Variants in FBXO31 observed in about 807,000 individuals in gnomAD.
FBXO31 encodes the protein F-box protein 31, also known as F-box only protein 31.
FBXO31 carries 24 observed loss-of-function variants against 54.4 expected under a neutral mutation model. The ratio of observed to expected loss-of-function variants is 0.44; its 90% CI spans 0.32 to 0.62. FBXO31 has a LOEUF of 0.62. Ranked by LOEUF, FBXO31 falls within the 20% of genes least tolerant of loss-of-function variation. The probability of loss-of-function intolerance (pLI) is 0.05; values close to 1 mark genes in which losing one functional copy is unlikely to be tolerated. For synonymous variants in FBXO31, 388 were observed against 335.6 expected, an observed-to-expected ratio of 1.16 and a Z score of -1.71; for missense variants, 665 against 787.1, an observed-to-expected ratio of 0.84 and a Z score of 1.86.
chr16:87,377,163 G>C (rs189107937), intron 1 of FBXO31, among the ~76,000 whole-genome samples: 2 of 152,230 alleles, frequency 1.3e-5, no homozygotes, highest in South Asian at 2.1e-4. Flanking sequence ...GGAAATTTTA[G>C]GCTGGGGACG....
rs1187865179 is a variant in FBXO31 at position 87,346,297 on chromosome 16, G to A, written c.489+877C>T. Among the ~76,000 whole-genome samples the A allele has an allele frequency of 6.6e-6, 1 of 152,178 alleles. No homozygotes were observed. The highest frequency in any genetic ancestry group is 2.4e-5 in the African/African-American group (1 of 41,430). ...TGAGGAGACCAGGCCACGGCACCCA[G>A]CAAGTGCCCAGGCGCACAGTGAGGG... On this transcript the variant is annotated intron_variant, in intron 3 of 8. Transcript: ENST00000311635. This position sits in a 1 kb window ranked among gnomAD's most constrained non-coding sequence, Gnocchi z 4.2.
intron 2 of FBXO31, among the ~76,000 whole-genome samples, chr16:87,350,109 T>C (rs1396690665): frequency 6.6e-6 from 1 of 151,988 alleles, no homozygotes; most frequent in Non-Finnish European, 1.5e-5. Flanking sequence ...ACTGGACGAA[T>C]GGGCAGGATC....
At chr16:87,378,499 G>A (rs1001564943) in intron 1 of FBXO31, among the ~76,000 whole-genome samples, 1 of 152,166 alleles carries the variant, frequency 6.6e-6, no homozygotes, top group African/African-American at 2.4e-5. Context: ...GTGCAATACT[G>A]CATCCGGGCA....
chr16:87,383,290 G>T lies in FBXO31; in HGVS notation c.340+115C>A. The T allele has an allele frequency of 1.0e-6, 1 of 986,534 alleles. No individual in the cohort carries two copies. Among genetic ancestry groups the T allele is most frequent in the Non-Finnish European group, 1.4e-6 (1 of 710,924 alleles). 61.1% of individuals were successfully genotyped at this position (986,534 alleles called of 1,614,324 possible). A position where few individuals can be genotyped will look rare whatever the true frequency, so the allele number is the denominator to read the frequency against. ...CCAAAACACCACATCGCCGGGCCCC[G>T]CGCCCAACTGGTGGCCCCCGGCCGG... is the stretch of plus-strand genomic sequence containing the variant. On this transcript the variant is annotated intron_variant, in intron 1 of 8. Coordinates refer to ENST00000311635, the MANE Select transcript of FBXO31 (RefSeq NM_024735.5). This position sits in a 1 kb window ranked among gnomAD's most constrained non-coding sequence, Gnocchi z 4.9.
intron 2 of FBXO31, among the ~76,000 whole-genome samples, chr16:87,356,027 A>C (rs897803745): frequency 1.3e-5 from 2 of 152,098 alleles, no homozygotes; most frequent in African/African-American, 4.8e-5. Context: ...TCAGGAGTTC[A>C]AAACCAGCCT....
intron 2 of FBXO31, among the ~76,000 whole-genome samples, chr16:87,350,565 G>A (rs957031242): frequency 3.3e-5 from 5 of 152,190 alleles, no homozygotes; most frequent in Admixed American, 6.5e-5. Flanking sequence ...GGAGTGAAAC[G>A]TACTGACGCC....
At chr16:87,344,174 C>A (rs1306490138) in intron 3 of FBXO31, among the ~76,000 whole-genome samples, 8 of 152,276 alleles carry the variant, frequency 5.3e-5, no homozygotes, top group Admixed American at 1.3e-4. Context: ...CCGTGTGCCA[C>A]TTTTGTCAGG....
intron 1 of FBXO31, among the ~76,000 whole-genome samples, chr16:87,378,948 C>G (rs987565998): frequency 4.2e-4 from 54 of 129,590 alleles, no homozygotes; most frequent in African/African-American, 1.4e-3. Flanking sequence ...GGCGACAAAG[C>G]AAGACTCCAT....
intron 2 of FBXO31, among the ~76,000 whole-genome samples, chr16:87,353,604 G>A (rs1905761541): frequency 6.6e-6 from 1 of 152,252 alleles, no homozygotes; most frequent in South Asian, 2.1e-4. Context: ...AGGCGGTAAG[G>A]AGGCTCCGCA....
chr16:87,387,294 A>G (rs2150704140), upstream of FBXO31, among the ~76,000 whole-genome samples: 1 of 152,298 alleles, frequency 6.6e-6, no homozygotes, highest in Non-Finnish European at 1.5e-5. Context: ...CTTTATGTAG[A>G]AATGTATCCT....
chr16:87,332,639 CGGG>C (rs1904901520), intron 8 of FBXO31, among the ~76,000 whole-genome samples: 3 of 151,890 alleles, frequency 2.0e-5, no homozygotes, highest in Non-Finnish European at 2.9e-5. Flanking sequence ...AAACCCCCTC[CGGG>C]AGCTGGAACT....
intron 2 of FBXO31, among the ~76,000 whole-genome samples, chr16:87,350,038 T>C (rs2150679001): frequency 6.6e-6 from 1 of 152,308 alleles, no homozygotes; most frequent in East Asian, 1.9e-4. Flanking sequence ...AGTCCACATG[T>C]TGGCGAACAT....
At chr16:87,385,117 G>C (rs1301458293), upstream of FBXO31, among the ~76,000 whole-genome samples, 1 of 147,668 alleles carries the variant, frequency 6.8e-6, no homozygotes, top group African/African-American at 2.5e-5. Context: ...CCCAGGAGTC[G>C]GAGACCAGCC....
intron 2 of FBXO31, among the ~76,000 whole-genome samples, chr16:87,359,185 G>C (rs1162871143): frequency 6.6e-6 from 1 of 152,190 alleles, no homozygotes; most frequent in Non-Finnish European, 1.5e-5. Flanking sequence ...TGAATTCTCC[G>C]CATTTTGCAA....
At chr16:87,371,528 C>G (rs1275221298) in intron 1 of FBXO31, among the ~76,000 whole-genome samples, 3 of 152,282 alleles carry the variant, frequency 2.0e-5, no homozygotes, top group Non-Finnish European at 4.4e-5. Context: ...CCAGGCAGGC[C>G]TGACGAGTCG....
At chr16:87,361,091 C>A (rs948586138) in intron 1 of FBXO31, among the ~76,000 whole-genome samples, 2 of 152,166 alleles carry the variant, frequency 1.3e-5, no homozygotes, top group African/African-American at 4.8e-5. Flanking sequence ...AAGGAAAGAC[C>A]GCCAGGGACT....
intron 1 of FBXO31, among the ~76,000 whole-genome samples, chr16:87,378,974 A>C (rs981651011): frequency 2.6e-5 from 4 of 152,014 alleles, no homozygotes; most frequent in African/African-American, 7.2e-5. Flanking sequence ...AAAAAAAAAA[A>C]AACAAAATAT....
At chr16:87,388,991 ACT>A (rs1054385719) in intron 1 of FBXO31, among the ~76,000 whole-genome samples, 24 of 152,222 alleles carry the variant, frequency 1.6e-4, no homozygotes, top group African/African-American at 5.5e-4. Flanking sequence ...TTAATTTACC[ACT>A]CTGAATATTG....
chr16:87,341,456 G>A (rs971834894), intron 5 of FBXO31, among the ~76,000 whole-genome samples: 1 of 152,172 alleles, frequency 6.6e-6, no homozygotes, highest in Non-Finnish European at 1.5e-5. Flanking sequence ...AGGAGTTCGA[G>A]ACCAGCCTGG....
Sources: allele counts gnomAD v4.1 joint callset (sites outside exome capture counted in the v4.1 genomes callset), GRCh38; gene constraint gnomAD v4.1.1; non-coding constraint Gnocchi (gnomAD v3.1); transcripts MANE v1.5; gene names NCBI Gene and HGNC (gene_info 2026-07-23, HGNC 2026-07-21).